The following RPS6KC1 variants were observed in gnomAD, a reference collection of about 807,000 sequenced individuals.
RPS6KC1 encodes the protein ribosomal protein S6 kinase C1, also known as inactive ribosomal protein S6 kinase delta-1.
Under a neutral mutation model 103.8 loss-of-function variants are expected in RPS6KC1, and 54 were observed. That is an observed-to-expected ratio of 0.52 (90% CI 0.42 to 0.65). The LOEUF (loss-of-function observed/expected upper bound fraction) is 0.65. Among genes scored for constraint, RPS6KC1 ranks in the 30% least tolerant of loss-of-function variants. The pLI, the probability that RPS6KC1 is intolerant of heterozygous loss-of-function variation, is 0.00. For missense variants in RPS6KC1, 1,151 were observed against 1,253.8 expected (o/e 0.92, Z 1.24); for synonymous variants, 439 against 438.7 (o/e 1.00, Z -0.01).
At chr1:213,070,981 G>T (rs1352231923) in intron 1 of RPS6KC1, 25 bp from the exon 2 acceptor site, 1 of 1,432,236 alleles carries the variant, frequency 7.0e-7, no homozygotes, top group Non-Finnish European at 9.6e-7. Context: ...AATGATTAGA[G>T]ATTTCTATGT....
the RPS6KC1 span, among the ~76,000 whole-genome samples, chr1:213,313,006 A>C: frequency 4.6e-5 from 7 of 152,046 alleles, no homozygotes; most frequent in Non-Finnish European, 8.8e-5. Context: ...GAAGATTTTT[A>C]CTCTGAAGTT....
At chr1:213,286,024 G>A in the RPS6KC1 span, among the ~76,000 whole-genome samples, 15 of 152,284 alleles carry the variant, frequency 9.9e-5, no homozygotes, top group Middle Eastern at 3.4e-3. Flanking sequence ...ACCGTCTGAC[G>A]TGGGACAAAA....
chr1:213,341,632 G>T, the RPS6KC1 span, among the ~76,000 whole-genome samples: 2 of 152,196 alleles, frequency 1.3e-5, no homozygotes, highest in Non-Finnish European at 2.9e-5. Flanking sequence ...TTACTAAGTT[G>T]CAGGTACTGG....
At chr1:213,554,156 A>G in the RPS6KC1 span, among the ~76,000 whole-genome samples, 80 of 152,200 alleles carry the variant, frequency 5.3e-4, no homozygotes, top group East Asian at 0.014. Context: ...TTATAGTTTT[A>G]GGTTTGACAT....
chr1:213,722,424 T>G, the RPS6KC1 span, among the ~76,000 whole-genome samples: 1 of 152,168 alleles, frequency 6.6e-6, no homozygotes, highest in Admixed American at 6.5e-5. Context: ...CGTCCCAATA[T>G]TACAATTACA....
chr1:213,405,452 A>T, the RPS6KC1 span, among the ~76,000 whole-genome samples: 2 of 152,160 alleles, frequency 1.3e-5, no homozygotes, highest in Admixed American at 1.3e-4. Context: ...TGAAAAAAAA[A>T]TTCACCAGCA....
chr1:213,068,995 C>T (rs998881139), intron 1 of RPS6KC1, among the ~76,000 whole-genome samples: 1 of 151,234 alleles, frequency 6.6e-6, no homozygotes, highest in African/African-American at 2.4e-5. Context: ...GAGTTTGAGG[C>T]TGCAGTGAGC....
chr1:213,481,239 C>A, the RPS6KC1 span, among the ~76,000 whole-genome samples: 1 of 152,102 alleles, frequency 6.6e-6, no homozygotes, highest in East Asian at 1.9e-4. Context: ...GATGTCAGTT[C>A]TTTGAAACTA....
the RPS6KC1 span, among the ~76,000 whole-genome samples, chr1:213,551,533 T>A: frequency 6.6e-6 from 1 of 152,174 alleles, no homozygotes; most frequent in African/African-American, 2.4e-5. Flanking sequence ...GTACAGTACA[T>A]GTATGTATAT....
At chr1:213,393,842 T>C in the RPS6KC1 span, among the ~76,000 whole-genome samples, 1 of 151,970 alleles carries the variant, frequency 6.6e-6, no homozygotes, top group Non-Finnish European at 1.5e-5. Context: ...GGATGGAAGG[T>C]CAAGAGAAGC....
the RPS6KC1 span, among the ~76,000 whole-genome samples, chr1:213,439,724 C>G: frequency 6.6e-6 from 1 of 152,062 alleles, no homozygotes; most frequent in Non-Finnish European, 1.5e-5. Flanking sequence ...TAAAATGGTT[C>G]TTATTATCCT....
chr1:213,459,526 T>A, the RPS6KC1 span, among the ~76,000 whole-genome samples: 32 of 152,124 alleles, frequency 2.1e-4, no homozygotes, highest in African/African-American at 3.6e-4. Context: ...GTTAATCTTT[T>A]AAAAAAAACC....
chr1:213,349,944 C>A, the RPS6KC1 span, among the ~76,000 whole-genome samples: 1 of 152,086 alleles, frequency 6.6e-6, no homozygotes, highest in Non-Finnish European at 1.5e-5. Flanking sequence ...GACTCTATAT[C>A]CTGTCTTTCC....
At chr1:213,828,107 T>C in the RPS6KC1 span, among the ~76,000 whole-genome samples, 2 of 152,228 alleles carry the variant, frequency 1.3e-5, no homozygotes, top group East Asian at 1.9e-4. Context: ...ACGCTGTTGA[T>C]GAAATAGACT....
chr1:213,446,634 T>A, the RPS6KC1 span, among the ~76,000 whole-genome samples: 1 of 151,930 alleles, frequency 6.6e-6, no homozygotes, highest in East Asian at 1.9e-4. Context: ...CCTAGATGAG[T>A]GTTTGATTTT....
At chr1:213,371,320 GT>G in the RPS6KC1 span, among the ~76,000 whole-genome samples, 1 of 152,156 alleles carries the variant, frequency 6.6e-6, no homozygotes, top group Non-Finnish European at 1.5e-5. Context: ...CCACTGTTAT[GT>G]AGACACCACA....
At chr1:213,829,649 C>T in the RPS6KC1 span, among the ~76,000 whole-genome samples, 1 of 152,056 alleles carries the variant, frequency 6.6e-6, no homozygotes, top group East Asian at 1.9e-4. Flanking sequence ...TTTGTTGTAT[C>T]CAAGTAAAGA....
chr1:213,573,469 T>C, the RPS6KC1 span, among the ~76,000 whole-genome samples: 1 of 152,208 alleles, frequency 6.6e-6, no homozygotes, highest in African/African-American at 2.4e-5. Context: ...GTTTATACAG[T>C]GCTGTGTATT....
chr1:213,286,252 A>G, the RPS6KC1 span, among the ~76,000 whole-genome samples: 2 of 152,226 alleles, frequency 1.3e-5, no homozygotes, highest in African/African-American at 4.8e-5. Context: ...CCAACTTAGC[A>G]GAGAGTGTAT....
Sources: allele counts gnomAD v4.1 joint callset (sites outside exome capture counted in the v4.1 genomes callset), GRCh38; gene constraint gnomAD v4.1.1; transcripts MANE v1.5; gene names NCBI Gene and HGNC (gene_info 2026-07-23, HGNC 2026-07-21).